Variants in ERO1A observed in about 807,000 individuals in gnomAD.
The protein encoded by ERO1A is endoplasmic reticulum oxidoreductase 1 alpha.
Under a neutral mutation model 76.9 loss-of-function variants are expected in ERO1A, and 49 were observed. The ratio of observed to expected loss-of-function variants is 0.64; its 90% confidence interval spans 0.51 to 0.81. ERO1A has a LOEUF of 0.81. Ranked by LOEUF, ERO1A falls within the 30% of genes least tolerant of loss-of-function variation. The probability of loss-of-function intolerance (pLI) is 0.00; values close to 1 mark genes in which losing one functional copy is unlikely to be tolerated. For missense variants in ERO1A, 448 were observed against 542.1 expected, an observed-to-expected ratio of 0.83 and a Z score of 1.72; for synonymous variants, 174 against 181.2, an observed-to-expected ratio of 0.96 and a Z score of 0.32.
At chr14:52,668,798 A>C (rs1400583432) in intron 6 of ERO1A, among the ~76,000 whole-genome samples, 1 of 148,454 alleles carries the variant, frequency 6.7e-6, no homozygotes, top group Non-Finnish European at 1.5e-5. Flanking sequence ...TTATAATTAT[A>C]CAATTATATT....
At chr14:52,652,185 A>AT in intron 13 of ERO1A, 54 bp downstream of exon 13, 1 of 1,104,970 alleles carries the variant, frequency 9.1e-7, no homozygotes, top group Non-Finnish European at 1.4e-6. Flanking sequence ...ATATATTCAT[A>AT]TCTGCATAAG....
chr14:52,679,979 A>G (rs1356512526), intron 3 of ERO1A, among the ~76,000 whole-genome samples: 1 of 150,006 alleles, frequency 6.7e-6, no homozygotes, highest in Non-Finnish European at 1.5e-5. Flanking sequence ...AGGACTGCTT[A>G]GGCCCAGGAG....
chr14:52,644,857 A>G (rs764021011), intron 15 of ERO1A, among the ~76,000 whole-genome samples: 86 of 152,168 alleles, frequency 5.7e-4, no homozygotes, highest in Non-Finnish European at 9.4e-4. Context: ...AATATTAACT[A>G]TCTAGCCCTT....
intron 13 of ERO1A, among the ~76,000 whole-genome samples, chr14:52,647,707 T>G (rs941907881): frequency 2.0e-5 from 3 of 152,196 alleles, no homozygotes; most frequent in Admixed American, 6.5e-5. Context: ...CACATCCTTC[T>G]TTTCCTTCAA....
intron 6 of ERO1A, among the ~76,000 whole-genome samples, chr14:52,667,792 T>C (rs1210126512): frequency 6.6e-6 from 1 of 152,158 alleles, no homozygotes; most frequent in Non-Finnish European, 1.5e-5. Flanking sequence ...ACTTTATTCA[T>C]ATATAAAGCT....
At chr14:52,681,594 C>T (rs761088333) in intron 3 of ERO1A, among the ~76,000 whole-genome samples, 1 of 151,144 alleles carries the variant, frequency 6.6e-6, no homozygotes, top group African/African-American at 2.4e-5. Context: ...CAGGGTGAGA[C>T]ATCATGTCAA....
intron 7 of ERO1A, among the ~76,000 whole-genome samples, chr14:52,665,753 G>A (rs1369853227): frequency 6.6e-6 from 1 of 152,060 alleles, no homozygotes; most frequent in East Asian, 1.9e-4. Context: ...CGTACAAAGC[G>A]GGCTCTTTCA....
intron 9 of ERO1A, 96 bp from the exon 10 acceptor site, chr14:52,658,246 C>A: frequency 1.2e-6 from 1 of 827,068 alleles, no homozygotes; most frequent in Non-Finnish European, 2.0e-6. Context: ...TTGTGCCAAA[C>A]AACAATGTAA....
At chr14:52,664,401 T>A (rs1448258129) in intron 7 of ERO1A, among the ~76,000 whole-genome samples, 1 of 152,176 alleles carries the variant, frequency 6.6e-6, no homozygotes, top group East Asian at 1.9e-4. Context: ...AGTTACTATG[T>A]CATTAAAGTG....
chr14:52,673,842 AC>A lies in ERO1A; in HGVS notation c.358-1972del, dbSNP rs200067635. Among the ~76,000 whole-genome samples the A allele has an allele frequency of 3.3e-3, 508 of 152,098 alleles. 9 individuals are homozygous for A. Among genetic ancestry groups the A allele is most frequent in the Admixed American group, 0.027 (407 of 15,268 alleles). ...AATCTCTACCTCCAGGACTCAAGCA[AC>A]CCTCCCACCTCAGCCTCCTGAGTAG... is the stretch of plus-strand genomic sequence containing the variant. On this transcript the variant is annotated intron_variant, in intron 4 of 15. Transcript: ENST00000395686.
chr14:52,660,992 G>A (rs1314963178), intron 9 of ERO1A, among the ~76,000 whole-genome samples: 2 of 152,130 alleles, frequency 1.3e-5, no homozygotes, highest in African/African-American at 2.4e-5. Flanking sequence ...AAAAGAGAGA[G>A]GACATTTCCC....
At chr14:52,686,345 C>T (rs969078897) in intron 1 of ERO1A, among the ~76,000 whole-genome samples, 5 of 152,208 alleles carry the variant, frequency 3.3e-5, no homozygotes, top group Admixed American at 6.5e-5. Flanking sequence ...CTATGGTGTG[C>T]TCAGTGCCCC....
intron 11 of ERO1A, 141 bp downstream of exon 11, chr14:52,657,776 G>C: frequency 1.7e-6 from 1 of 587,960 alleles, no homozygotes. Flanking sequence ...CCACCTTTCT[G>C]ATTACTACCA....
chr14:52,662,575 AAAG>A (rs1566639025), intron 8 of ERO1A, among the ~76,000 whole-genome samples: 1 of 152,370 alleles, frequency 6.6e-6, no homozygotes, highest in East Asian at 1.9e-4. Context: ...CATAATTTCT[AAAG>A]AAAAAGTCTG....
intron 4 of ERO1A, among the ~76,000 whole-genome samples, chr14:52,677,648 T>G (rs189079224): frequency 1.3e-5 from 2 of 150,666 alleles, no homozygotes; most frequent in Admixed American, 1.3e-4. Context: ...GAGGATCACT[T>G]GGTCAGGAGT....
chr14:52,677,492 C>T (rs2040828739), intron 4 of ERO1A, among the ~76,000 whole-genome samples: 1 of 152,060 alleles, frequency 6.6e-6, no homozygotes. Flanking sequence ...CTAAGAGAAG[C>T]CTAAGAACAC....
intron 6 of ERO1A, among the ~76,000 whole-genome samples, chr14:52,666,881 A>G (rs2040431059): frequency 6.6e-6 from 1 of 152,206 alleles, no homozygotes; most frequent in African/African-American, 2.4e-5. Flanking sequence ...CAGTGAGCCG[A>G]GATTGCGCCA....
At chr14:52,682,665 G>A (rs536380482) in intron 2 of ERO1A, among the ~76,000 whole-genome samples, 25 of 152,104 alleles carry the variant, frequency 1.6e-4, no homozygotes, top group African/African-American at 5.1e-4. Context: ...TTGGGAGGCC[G>A]AGGGGGGCGG....
At chr14:52,676,442 C>T (rs557724343) in intron 4 of ERO1A, among the ~76,000 whole-genome samples, 1 of 152,252 alleles carries the variant, frequency 6.6e-6, no homozygotes, top group Admixed American at 6.5e-5. Context: ...GGGTATGATA[C>T]AGGCCACAGC....
Sources: allele counts gnomAD v4.1 joint callset (sites outside exome capture counted in the v4.1 genomes callset), GRCh38; gene constraint gnomAD v4.1.1; transcripts MANE v1.5; gene names NCBI Gene and HGNC (gene_info 2026-07-23, HGNC 2026-07-21).